Variants in KCNJ15 observed in about 807,000 individuals in gnomAD.
KCNJ15 encodes the protein ATP-sensitive inward rectifier potassium channel 15.
Under a neutral mutation model 23.0 loss-of-function variants are expected in KCNJ15, and 14 were observed. The ratio of observed to expected loss-of-function variants is 0.61; its 90% CI spans 0.40 to 0.95. KCNJ15 has a LOEUF of 0.95. KCNJ15 is among the 40% of genes least tolerant of loss of function. KCNJ15 has a pLI of 0.00. For missense variants in KCNJ15, 388 were observed against 461.8 expected, an observed-to-expected ratio of 0.84 and a Z score of 1.46; for synonymous variants, 185 against 183.2, an observed-to-expected ratio of 1.01 and a Z score of -0.08.
intron 1 of KCNJ15, among the ~76,000 whole-genome samples, chr21:38,250,892 G>A (rs970065976): frequency 6.6e-6 from 1 of 152,176 alleles, no homozygotes; most frequent in Non-Finnish European, 1.5e-5. Flanking sequence ...AGTGGGTCTT[G>A]GAGTGTTGGG....
chr21:38,287,297 T>C (rs1984012034), intron 1 of KCNJ15, among the ~76,000 whole-genome samples: 2 of 152,228 alleles, frequency 1.3e-5, no homozygotes, highest in Non-Finnish European at 2.9e-5. Context: ...TCAGAGTTTT[T>C]AGTACTGGGA....
chr21:38,252,185 T>C (rs1348672889), upstream of KCNJ15, among the ~76,000 whole-genome samples: 1 of 152,210 alleles, frequency 6.6e-6, no homozygotes, highest in Non-Finnish European at 1.5e-5. Flanking sequence ...CTTGGCTCTT[T>C]TAATCTTTAC....
At chr21:38,238,298 C>A in intron 1 of KCNJ15, 1 of 711,472 alleles carries the variant, frequency 1.4e-6, no homozygotes. Context: ...TTCTCACACA[C>A]ATACGCAGTG....
chr21:38,296,091 A>T lies in KCNJ15; in HGVS notation c.-116-835A>T, dbSNP rs190815124. On this transcript the variant is annotated intron_variant, in intron 1 of 2. Transcript: ENST00000398938. ...AAAATATATGGATGTAGACAGATGG[A>T]TGATTGATAGATAGATACAGATCAT... is the stretch of plus-strand genomic sequence containing the variant. Among the ~76,000 whole-genome samples, 3 of 152,334 alleles carry T rather than the reference A, an allele frequency of 2.0e-5. No homozygotes were observed. The East Asian group carries it at 5.8e-4, about 29-fold the overall frequency.
intron 1 of KCNJ15, among the ~76,000 whole-genome samples, chr21:38,269,434 A>T (rs1036248518): frequency 1.3e-5 from 2 of 152,244 alleles, no homozygotes; most frequent in African/African-American, 4.8e-5. Flanking sequence ...ATTGTTGTCA[A>T]TGCAAATTGA....
At chr21:38,237,057 T>A (rs571878991) in intron 1 of KCNJ15, among the ~76,000 whole-genome samples, 10 of 152,256 alleles carry the variant, frequency 6.6e-5, no homozygotes, top group African/African-American at 2.4e-4. Flanking sequence ...GAGGGCTGTT[T>A]GGTCCACCAG....
chr21:38,236,834 A>G (rs1978637305), intron 1 of KCNJ15, among the ~76,000 whole-genome samples: 1 of 152,200 alleles, frequency 6.6e-6, no homozygotes, highest in African/African-American at 2.4e-5. Flanking sequence ...TCTGCTCCTG[A>G]AGTCATAAAA....
chr21:38,245,648 A>C (rs1230372343), intron 1 of KCNJ15, among the ~76,000 whole-genome samples: 1 of 151,688 alleles, frequency 6.6e-6, no homozygotes, highest in Non-Finnish European at 1.5e-5. Flanking sequence ...AGGGAAAGAG[A>C]GACAGAGAAA....
At chr21:38,252,667 A>G (rs1979916488), upstream of KCNJ15, among the ~76,000 whole-genome samples, 1 of 152,224 alleles carries the variant, frequency 6.6e-6, no homozygotes, top group South Asian at 2.1e-4. Flanking sequence ...TCACGATTTT[A>G]TTTTAATTGG....
In KCNJ15 at chr21:38,299,679, C is replaced by T. The variant is rs1286340943; in HGVS notation, c.418C>T (p.Pro140Ser). Residue 140 changes from proline to serine, a missense_variant, in exon 3 of 3, where the codon CCT (proline) becomes TCT (serine). Pro to Ser is a moderately conservative substitution (Grantham distance 74). Transcript: ENST00000398938. This position sits in a 1 kb window ranked among gnomAD's most constrained non-coding sequence, Gnocchi z 4.5. ...AGTCCGTTCCATCACAGAGGAATGT[C>T]CTCATGCCATCTTCCTGTTGGTTGC... ...YGVRSITEEC[P>S]HAIFLLVAQL... The T allele has an allele frequency of 6.2e-7, 1 of 1,614,160 alleles. No individual in the cohort carries two copies. Among genetic ancestry groups the T allele is most frequent in the East Asian group, 2.2e-5 (1 of 44,882 alleles).
At chr21:38,295,655 A>G (rs1985078844) in intron 1 of KCNJ15, among the ~76,000 whole-genome samples, 1 of 152,132 alleles carries the variant, frequency 6.6e-6, no homozygotes. Flanking sequence ...GTTGCTTACC[A>G]TGTTAGAAGT....
At chr21:38,262,878 A>G (rs1981063085) in intron 1 of KCNJ15, among the ~76,000 whole-genome samples, 1 of 152,192 alleles carries the variant, frequency 6.6e-6, no homozygotes. Context: ...GGGTTTCACC[A>G]TGTTGGCCAG....
In KCNJ15 at chr21:38,300,874, A is replaced by T. The variant is rs1218435957; in HGVS notation, c.*485A>T. The stretch of plus-strand genomic sequence containing the variant: ...AGCAGGAAAAATATTATATCTAATT[A>T]TGTCTATGTGGTAATACCTAAAAAG... On this transcript the variant is annotated 3_prime_UTR_variant, in exon 3 of 3. Transcript: ENST00000398938. 1 of 168,526 alleles carries T rather than the reference A, an allele frequency of 5.9e-6. No individual in the cohort carries two copies. The highest frequency in any genetic ancestry group is 1.4e-5 in the Non-Finnish European group (1 of 69,508). 10.4% of individuals were successfully genotyped at this position (168,526 alleles called of 1,614,324 possible).
intron 1 of KCNJ15, among the ~76,000 whole-genome samples, chr21:38,275,936 C>A (rs780454269): frequency 1.6e-4 from 25 of 152,114 alleles, no homozygotes; most frequent in Non-Finnish European, 2.9e-5. Context: ...ATCCTTAATA[C>A]CTTTTAATAT....
At chr21:38,241,820 T>G (rs1194189707) in intron 1 of KCNJ15, among the ~76,000 whole-genome samples, 1 of 151,720 alleles carries the variant, frequency 6.6e-6, no homozygotes, top group East Asian at 1.9e-4. Flanking sequence ...ACAAAAAAAA[T>G]TAGCTGGACA....
intron 1 of KCNJ15, among the ~76,000 whole-genome samples, chr21:38,286,241 T>TCAAACAAAAAAACAAAAACAAAAA (rs1983890139): frequency 2.0e-5 from 3 of 152,100 alleles, no homozygotes; most frequent in Non-Finnish European, 4.4e-5. Flanking sequence ...AGACTCCGTC[T>TCAAACAAAAAAACAAAAACAAAAA]CAAACAAAAA....
chr21:38,287,458 G>A (rs1050842748), intron 1 of KCNJ15, among the ~76,000 whole-genome samples: 1 of 152,116 alleles, frequency 6.6e-6, no homozygotes, highest in Non-Finnish European at 1.5e-5. Flanking sequence ...CAAATGTAAG[G>A]CCACTCTGTA....
intron 2 of KCNJ15, among the ~76,000 whole-genome samples, chr21:38,298,763 T>G (rs1319004804): frequency 6.6e-6 from 1 of 152,202 alleles, no homozygotes; most frequent in Non-Finnish European, 1.5e-5. Context: ...GTCAAATAAT[T>G]TTAAATTTTC....
intron 1 of KCNJ15, among the ~76,000 whole-genome samples, chr21:38,260,488 C>T (rs879667867): frequency 7.9e-5 from 12 of 152,140 alleles, no homozygotes; most frequent in African/African-American, 1.7e-4. Context: ...AGCCAATAGC[C>T]GCCACTATCC....
Sources: gnomAD v4.1 joint callset for allele counts (sites outside exome capture counted in the v4.1 genomes callset) on GRCh38, gnomAD v4.1.1 for gene constraint, Gnocchi (gnomAD v3.1) non-coding constraint, MANE v1.5 for transcripts, NCBI Gene and HGNC (gene_info 2026-07-23, HGNC 2026-07-21) for gene names.